Variants in ARHGAP22 observed in about 807,000 individuals in gnomAD.
The protein encoded by ARHGAP22 is rho GTPase-activating protein 22.
Under a neutral mutation model 59.1 loss-of-function variants are expected in ARHGAP22, and 48 were observed. The ratio of observed to expected loss-of-function variants is 0.81; its 90% CI spans 0.64 to 1.03. The LOEUF is 1.03. Ranked by LOEUF, ARHGAP22 falls within the 50% of genes least tolerant of loss-of-function variation. The pLI is 0.00. For synonymous variants in ARHGAP22, 445 were observed against 416.4 expected (o/e 1.07, Z -0.84); for missense variants, 1,015 against 958.7 (o/e 1.06, Z -0.78).
intron 4 of ARHGAP22, among the ~76,000 whole-genome samples, chr10:48,477,120 C>T (rs1229865528): frequency 6.6e-6 from 1 of 152,218 alleles, no homozygotes; most frequent in Non-Finnish European, 1.5e-5. Context: ...TGCCCCTCTC[C>T]CATCCCATCT....
chr10:48,583,354 G>A (rs2059233654), intron 1 of ARHGAP22, among the ~76,000 whole-genome samples: 1 of 152,224 alleles, frequency 6.6e-6, no homozygotes, highest in African/African-American at 2.4e-5. Flanking sequence ...TGATCCCCCT[G>A]GGGTAGGGGT....
At chr10:48,497,420 A>G (rs1259506849) in intron 3 of ARHGAP22, among the ~76,000 whole-genome samples, 3 of 152,166 alleles carry the variant, frequency 2.0e-5, no homozygotes, top group Admixed American at 6.5e-5. Flanking sequence ...ACTCACTTCT[A>G]TGTTTCCAGA....
chr10:48,430,227 G>A, the ARHGAP22 span: 1 of 152,416 alleles, frequency 6.6e-6, no homozygotes, highest in East Asian at 1.9e-4. Context: ...CCGAGTAGCT[G>A]GGACTGCAGG....
intron 1 of ARHGAP22, among the ~76,000 whole-genome samples, chr10:48,645,590 A>G (rs527304458): frequency 2.0e-5 from 3 of 152,220 alleles, no homozygotes; most frequent in African/African-American, 7.2e-5. Flanking sequence ...AAAATCCAAT[A>G]GCCATTCATG....
At chr10:48,646,643 GCAA>G (rs890230294) in intron 1 of ARHGAP22, among the ~76,000 whole-genome samples, 21 of 151,968 alleles carry the variant, frequency 1.4e-4, no homozygotes, top group Non-Finnish European at 2.6e-4. Context: ...AACAGCAGCA[GCAA>G]CAACAACAAC....
intron 3 of ARHGAP22, among the ~76,000 whole-genome samples, chr10:48,504,093 G>A (rs941095074): frequency 6.6e-5 from 10 of 150,610 alleles, no homozygotes; most frequent in Non-Finnish European, 7.4e-5. Context: ...CAGGGAAGCT[G>A]GATAAGCTGC....
intron 3 of ARHGAP22, among the ~76,000 whole-genome samples, chr10:48,504,556 G>C (rs943002966): frequency 6.6e-6 from 1 of 152,204 alleles, no homozygotes; most frequent in African/African-American, 2.4e-5. Flanking sequence ...CTCAGGAACA[G>C]CAGGGGCTGG....
intron 3 of ARHGAP22, among the ~76,000 whole-genome samples, chr10:48,497,017 ACTG>A (rs1302768701): frequency 6.6e-6 from 1 of 151,992 alleles, no homozygotes; most frequent in African/African-American, 2.4e-5. Flanking sequence ...CCAGGGCAGC[ACTG>A]CACTGGGCCC....
At chr10:48,441,888 T>TA (rs1474872912), downstream of ARHGAP22, among the ~76,000 whole-genome samples, 1 of 152,218 alleles carries the variant, frequency 6.6e-6, no homozygotes, top group Non-Finnish European at 1.5e-5. Context: ...CCATGCCTCT[T>TA]ACTGTTACTT....
chr10:48,586,464 T>G (rs2059430133), intron 1 of ARHGAP22, among the ~76,000 whole-genome samples: 1 of 152,320 alleles, frequency 6.6e-6, no homozygotes, highest in South Asian at 2.1e-4. Context: ...GATGGCGCAG[T>G]GGATGTCTCC....
chr10:48,524,293 G>A (rs1330509429), intron 3 of ARHGAP22: 3 of 168,912 alleles, frequency 1.8e-5, no homozygotes, highest in African/African-American at 7.2e-5. Context: ...CCGGCCTCCG[G>A]GCAGACCCTG....
intron 5 of ARHGAP22, among the ~76,000 whole-genome samples, chr10:48,456,992 G>C (rs533992599): frequency 1.3e-5 from 2 of 152,258 alleles, no homozygotes; most frequent in East Asian, 3.9e-4. Context: ...GGGCCTCCCA[G>C]CATGCGGCGA....
intron 2 of ARHGAP22, among the ~76,000 whole-genome samples, chr10:48,565,683 T>C (rs1395578734): frequency 6.6e-6 from 1 of 151,892 alleles, no homozygotes; most frequent in Middle Eastern, 3.2e-3. Flanking sequence ...GAGGCCTGGT[T>C]TCTTTATGTG....
intron 3 of ARHGAP22, among the ~76,000 whole-genome samples, chr10:48,507,311 C>A (rs1285950912): frequency 6.6e-6 from 1 of 152,192 alleles, no homozygotes; most frequent in Non-Finnish European, 1.5e-5. Flanking sequence ...AAACGACTGA[C>A]CTTCGAGGGC....
intron 3 of ARHGAP22, among the ~76,000 whole-genome samples, chr10:48,532,075 A>T (rs1457966224): frequency 6.6e-6 from 1 of 152,218 alleles, no homozygotes; most frequent in Non-Finnish European, 1.5e-5. Flanking sequence ...TGGCACTAGT[A>T]ACTCACGGGC....
upstream of ARHGAP22, among the ~76,000 whole-genome samples, chr10:48,654,744 G>A (rs1300033095): frequency 6.6e-6 from 1 of 151,934 alleles, no homozygotes; most frequent in Non-Finnish European, 1.5e-5. Context: ...GAGGGGGAAT[G>A]TTAGTTCCTC....
At chr10:48,589,990 G>A (rs2059653502) in intron 1 of ARHGAP22, among the ~76,000 whole-genome samples, 1 of 151,914 alleles carries the variant, frequency 6.6e-6, no homozygotes, top group South Asian at 2.1e-4. Flanking sequence ...GCACCCCACG[G>A]GCATGTACAA....
At chr10:48,585,427 C>T (rs929380499) in intron 1 of ARHGAP22, among the ~76,000 whole-genome samples, 3 of 152,226 alleles carry the variant, frequency 2.0e-5, no homozygotes, top group Non-Finnish European at 4.4e-5. Flanking sequence ...TTTGACTCTG[C>T]TGGACTTCAT....
chr10:48,638,085 C>A (rs894868723), intron 1 of ARHGAP22, among the ~76,000 whole-genome samples: 4 of 152,170 alleles, frequency 2.6e-5, no homozygotes, highest in Admixed American at 2.0e-4. Context: ...CTCCTAGAGC[C>A]ATTCCCTTAG....
Sources: gnomAD v4.1 joint callset for allele counts (sites outside exome capture counted in the v4.1 genomes callset) on GRCh38, gnomAD v4.1.1 for gene constraint, MANE v1.5 for transcripts, NCBI Gene and HGNC (gene_info 2026-07-23, HGNC 2026-07-21) for gene names.